ARHGEF7: variants seen among roughly 807,000 people sequenced by gnomAD.
The protein encoded by ARHGEF7 is PAK-interacting exchange factor beta.
In ARHGEF7, 33 loss-of-function variants were observed where a neutral mutation model predicts 109.8. The ratio of observed to expected loss-of-function variants is 0.30; its 90% CI spans 0.23 to 0.40. ARHGEF7 has a LOEUF of 0.40. Among genes scored for constraint, ARHGEF7 ranks in the 10% least tolerant of loss-of-function variants. The pLI is 1.00. For missense variants in ARHGEF7, 938 were observed against 1,098.5 expected (o/e 0.85, Z 2.07); for synonymous variants, 458 against 424.6 (o/e 1.08, Z -0.97).
chr13:111,217,709 G>A lies in ARHGEF7; in HGVS notation c.499G>A (p.Val167Ile). Residue 167 changes from valine (V) to isoleucine (I), a missense_variant, in exon 5 of 22, where the codon GTA (valine) becomes ATA (isoleucine). By Grantham distance (29) the Val-to-Ile change is conservative. Coordinates refer to ENST00000646102, the MANE Select transcript of ARHGEF7 (RefSeq NM_001354046.2). ...GACCGATAATAGCAACAATCAACTG[G>A]TAGTAAGAGCAAAGTTTAACTTCCA... ...DMTDNSNNQLVVRAKFNFQQT... is the reference protein window; with the variant it reads ...DMTDNSNNQLIVRAKFNFQQT... The A allele has an allele frequency of 6.2e-7, 1 of 1,614,172 alleles. No homozygotes were observed. The highest frequency in any genetic ancestry group is 8.5e-7 in the Non-Finnish European group (1 of 1,180,024).
At chr13:111,147,827 A>G (rs1225471980) in intron 1 of ARHGEF7, among the ~76,000 whole-genome samples, 1 of 148,482 alleles carries the variant, frequency 6.7e-6, no homozygotes, top group Non-Finnish European at 1.5e-5. Flanking sequence ...CCTCCCAAGT[A>G]GCTGGGACTA....
intron 19 of ARHGEF7, among the ~76,000 whole-genome samples, chr13:111,296,718 A>T (rs1194496018): frequency 1.3e-5 from 2 of 152,250 alleles, no homozygotes; most frequent in East Asian, 3.8e-4. Context: ...ACTCAAATGC[A>T]TTTCAGAAAT....
intron 1 of ARHGEF7, among the ~76,000 whole-genome samples, chr13:111,146,909 G>A (rs2075622627): frequency 6.6e-6 from 1 of 152,140 alleles, no homozygotes; most frequent in African/African-American, 2.4e-5. Flanking sequence ...AGTACAAAAG[G>A]CATACTTTGA....
intron 6 of ARHGEF7, among the ~76,000 whole-genome samples, chr13:111,236,290 A>C (rs2086814490): frequency 6.6e-6 from 1 of 152,208 alleles, no homozygotes; most frequent in Non-Finnish European, 1.5e-5. Flanking sequence ...AGCTGCTTTG[A>C]AACCTTTATC....
intron 4 of ARHGEF7, among the ~76,000 whole-genome samples, chr13:111,210,939 G>A (rs1438534696): frequency 6.6e-6 from 1 of 152,232 alleles, no homozygotes; most frequent in East Asian, 1.9e-4. Flanking sequence ...AATTTAGATA[G>A]AGTCGTGATT....
intron 15 of ARHGEF7, chr13:111,282,742 G>A: frequency 4.3e-6 from 1 of 231,170 alleles, no homozygotes; most frequent in East Asian, 1.1e-4. Flanking sequence ...TGGCTGGGGG[G>A]GAATCACCTT....
chr13:111,276,149 A>C (rs2092465535), intron 12 of ARHGEF7: 1 of 167,402 alleles, frequency 6.0e-6, no homozygotes, highest in South Asian at 1.6e-4. Flanking sequence ...TTTAAGTGAG[A>C]GATCAACCCA....
intron 2 of ARHGEF7, among the ~76,000 whole-genome samples, chr13:111,181,436 G>T (rs975110942): frequency 6.6e-6 from 1 of 152,202 alleles, no homozygotes; most frequent in South Asian, 2.1e-4. Flanking sequence ...CTTGGAGCAT[G>T]CCCAGAAAGA....
chr13:111,182,404 A>C (rs1304576733), intron 2 of ARHGEF7: 1 of 152,476 alleles, frequency 6.6e-6, no homozygotes, highest in Non-Finnish European at 1.5e-5. Context: ...TTGCATACAA[A>C]AGGCTTTTCT....
chr13:111,149,704 ACTC>A (rs1251069931), intron 1 of ARHGEF7, among the ~76,000 whole-genome samples: 5 of 152,316 alleles, frequency 3.3e-5, no homozygotes, highest in African/African-American at 4.8e-5. Flanking sequence ...AGCATTATGT[ACTC>A]CTATGACTGT....
chr13:111,183,359 C>A (rs2078950077), intron 2 of ARHGEF7, among the ~76,000 whole-genome samples: 1 of 149,550 alleles, frequency 6.7e-6, no homozygotes. Context: ...TTTTTTTAAA[C>A]AAAAATGTTC....
intron 9 of ARHGEF7, among the ~76,000 whole-genome samples, chr13:111,268,182 G>A (rs962064535): frequency 6.6e-6 from 1 of 152,202 alleles, no homozygotes; most frequent in African/African-American, 2.4e-5. Flanking sequence ...TCTGCTTCCT[G>A]CGAATTGGAG....
intron 18 of ARHGEF7, among the ~76,000 whole-genome samples, chr13:111,289,282 C>A (rs1005199971): frequency 2.0e-5 from 3 of 152,226 alleles, no homozygotes; most frequent in Non-Finnish European, 2.9e-5. Context: ...GATCTGCCCG[C>A]CTCAGCCTCC....
At chr13:111,116,052 C>G (rs2066745950) in intron 1 of ARHGEF7, among the ~76,000 whole-genome samples, 1 of 152,210 alleles carries the variant, frequency 6.6e-6, no homozygotes, top group Non-Finnish European at 1.5e-5. Context: ...GCATCGGAAA[C>G]CGCGTTCCGA....
intron 2 of ARHGEF7, among the ~76,000 whole-genome samples, chr13:111,170,656 G>C (rs1386633102): frequency 6.6e-6 from 1 of 152,172 alleles, no homozygotes; most frequent in Non-Finnish European, 1.5e-5. Context: ...TTCACTTTCT[G>C]GAAGGTTCTA....
intron 1 of ARHGEF7, among the ~76,000 whole-genome samples, chr13:111,141,118 G>A (rs760571443): frequency 1.3e-5 from 2 of 152,074 alleles, no homozygotes; most frequent in Non-Finnish European, 2.9e-5. Flanking sequence ...TTAGTATGAT[G>A]CACCTGTTAC....
At chr13:111,298,872 A>G (rs1595632434) in intron 19 of ARHGEF7, among the ~76,000 whole-genome samples, 1 of 152,222 alleles carries the variant, frequency 6.6e-6, no homozygotes, top group South Asian at 2.1e-4. Context: ...CACTTTAACA[A>G]CAGCCGCAGG....
intron 2 of ARHGEF7, among the ~76,000 whole-genome samples, chr13:111,181,828 T>A (rs2078762054): frequency 6.6e-6 from 1 of 152,100 alleles, no homozygotes; most frequent in African/African-American, 2.4e-5. Context: ...GGAAAGAGCT[T>A]CAGGTAGGAA....
intron 2 of ARHGEF7, among the ~76,000 whole-genome samples, chr13:111,171,141 A>C (rs2077564128): frequency 6.6e-6 from 1 of 152,190 alleles, no homozygotes; most frequent in African/African-American, 2.4e-5. Context: ...TCACCAATGC[A>C]CTCTTAGAGT....
Sources: gnomAD v4.1 joint callset for allele counts (sites outside exome capture counted in the v4.1 genomes callset) on GRCh38, gnomAD v4.1.1 for gene constraint, MANE v1.5 for transcripts, NCBI Gene and HGNC (gene_info 2026-07-23, HGNC 2026-07-21) for gene names.